PTPRD: variants seen among roughly 807,000 people sequenced by gnomAD.
PTPRD encodes the protein receptor-type tyrosine-protein phosphatase delta.
PTPRD carries 34 observed loss-of-function variants against 214.5 expected under a neutral mutation model. That is an observed-to-expected ratio of 0.16 (90% CI 0.12 to 0.21). The LOEUF is 0.21. Among genes scored for constraint, PTPRD ranks in the 10% least tolerant of loss-of-function variants. The probability of loss-of-function intolerance (pLI) is 1.00; values close to 1 mark genes in which losing one functional copy is unlikely to be tolerated. For missense variants in PTPRD, 2,545 were observed against 2,398.7 expected, an observed-to-expected ratio of 1.06 and a Z score of -1.27; for synonymous variants, 1,128 against 845.7, an observed-to-expected ratio of 1.33 and a Z score of -5.79.
chr9:10,187,208 T>TA (rs2099338379), intron 3 of PTPRD, among the ~76,000 whole-genome samples: 1 of 152,128 alleles, frequency 6.6e-6, no homozygotes, highest in African/African-American at 2.4e-5. Context: ...TTCTGTCTCT[T>TA]ACAGCATGCA....
intron 3 of PTPRD, among the ~76,000 whole-genome samples, chr9:10,076,343 T>A (rs942747761): frequency 6.6e-6 from 1 of 152,108 alleles, no homozygotes; most frequent in Non-Finnish European, 1.5e-5. Context: ...GTGTAAACCT[T>A]ATCTCTGTGG....
intron 9 of PTPRD, among the ~76,000 whole-genome samples, chr9:9,302,543 A>C (rs2134886661): frequency 7.4e-6 from 1 of 135,108 alleles, no homozygotes; most frequent in East Asian, 2.2e-4. Flanking sequence ...CCACTCTCCC[A>C]CTTTTCATTT....
In PTPRD at chr9:8,733,772, T is replaced by G. The variant is rs761588001; in HGVS notation, c.64+8A>C. ...CACAGCCCCCTAGAGAAGGGGAGAA[T>G]GGCTTACTCTCAGCATCCGTGCGGA... On this transcript the variant is annotated splice_region_variant and intron_variant, in intron 12 of 45. Transcript: ENST00000381196. The G allele has an allele frequency of 2.1e-5, 33 of 1,551,980 alleles. No homozygotes were observed. The Admixed American group carries it at 6.5e-4, about 30-fold the overall frequency.
chr9:8,777,161 T>A (rs1388647172), intron 11 of PTPRD, among the ~76,000 whole-genome samples: 3 of 151,732 alleles, frequency 2.0e-5, no homozygotes, highest in African/African-American at 7.3e-5. Flanking sequence ...TGTTGTTTTT[T>A]AGAGATGGGG....
At position 10,039,199 on chromosome 9, in the gene PTPRD, C is replaced by A. The variant is rs74665178; in HGVS notation, c.-544-5409G>T. Among the ~76,000 whole-genome samples the A allele has an allele frequency of 6.0e-4, 92 of 152,076 alleles. 1 individual carries two copies. The East Asian group carries it at 0.016, about 26-fold the overall frequency. ...TTCCTGAAAAACTTGAAATCATCTA[C>A]AAAAATTATGAAATAAAAGTGATCA... is the stretch of plus-strand genomic sequence containing the variant. On this transcript the variant is annotated intron_variant, in intron 3 of 45. Transcript: ENST00000381196.
intron 7 of PTPRD, among the ~76,000 whole-genome samples, chr9:9,642,035 A>G (rs1043484491): frequency 6.8e-6 from 1 of 147,894 alleles, no homozygotes; most frequent in South Asian, 2.1e-4. Context: ...ACAATGATAG[A>G]CTGGATTAAG....
chr9:9,565,598 G>A (rs1308785801), intron 8 of PTPRD, among the ~76,000 whole-genome samples: 1 of 151,660 alleles, frequency 6.6e-6, no homozygotes, highest in Non-Finnish European at 1.5e-5. Context: ...TAACATATAA[G>A]AAATATAAAG....
intron 11 of PTPRD, among the ~76,000 whole-genome samples, chr9:8,939,085 C>T (rs1350040722): frequency 6.6e-6 from 1 of 152,062 alleles, no homozygotes. Context: ...TGTACATTAT[C>T]TGATTAAGGA....
At chr9:8,386,319 G>A (rs778199776) in intron 37 of PTPRD, among the ~76,000 whole-genome samples, 4 of 152,116 alleles carry the variant, frequency 2.6e-5, no homozygotes, top group Non-Finnish European at 4.4e-5. Context: ...GTAATATCAA[G>A]CTATCTTCTC....
chr9:8,325,055 C>A (rs1832275098), intron 44 of PTPRD, among the ~76,000 whole-genome samples: 1 of 150,440 alleles, frequency 6.6e-6, no homozygotes. Flanking sequence ...GTTGCCTGTT[C>A]ACTCTGATGG....
chr9:8,833,889 A>G (rs1236485151), intron 11 of PTPRD, among the ~76,000 whole-genome samples: 1 of 152,040 alleles, frequency 6.6e-6, no homozygotes, highest in Admixed American at 6.6e-5. Flanking sequence ...ACCATTTACA[A>G]AAATTAACCA....
At chr9:10,231,985 A>AGTGTGT (rs1424117716) in intron 3 of PTPRD, among the ~76,000 whole-genome samples, 1,168 of 95,902 alleles carry the variant, frequency 0.012, 8 homozygotes, top group Non-Finnish European at 0.016. Flanking sequence ...AGAGAGAGAG[A>AGTGTGT]GAGAGTGTGT....
intron 3 of PTPRD, among the ~76,000 whole-genome samples, chr9:10,182,464 TATG>T (rs1415171151): frequency 6.6e-6 from 1 of 151,834 alleles, no homozygotes; most frequent in African/African-American, 2.4e-5. Context: ...AATTGAAAAA[TATG>T]ATAAGTATAA....
intron 4 of PTPRD, among the ~76,000 whole-genome samples, chr9:9,998,262 G>A (rs1438213404): frequency 6.6e-6 from 1 of 151,140 alleles, no homozygotes; most frequent in Non-Finnish European, 1.5e-5. Flanking sequence ...GTCACTGGGT[G>A]GAGTCTCACA....
At chr9:10,275,920 G>A in intron 3 of PTPRD, among the ~76,000 whole-genome samples, 1 of 152,198 alleles carries the variant, frequency 6.6e-6, no homozygotes, top group Non-Finnish European at 1.5e-5. Flanking sequence ...GAGAGCCAGT[G>A]TAACTTGGGA....
intron 3 of PTPRD, among the ~76,000 whole-genome samples, chr9:10,231,290 T>C (rs552002402): frequency 6.7e-6 from 1 of 149,580 alleles, no homozygotes; most frequent in Admixed American, 6.7e-5. Flanking sequence ...TGATAGCACA[T>C]GGAATAGAGA....
At chr9:8,480,954 A>G (rs1317316708) in intron 30 of PTPRD, among the ~76,000 whole-genome samples, 4 of 151,836 alleles carry the variant, frequency 2.6e-5, no homozygotes, top group African/African-American at 7.3e-5. Flanking sequence ...CCTGGCTAAC[A>G]TGGTGAAATC....
rs143256359 is a variant in PTPRD at position 9,924,849 on chromosome 9, T to C, written c.-368+13658A>G. 9.1e-3 allele frequency among the ~76,000 whole-genome samples: 1,384 copies of C among 152,242 alleles called. 17 individuals are homozygous for C. The highest frequency in any genetic ancestry group is 0.032 in the African/African-American group (1,320 of 41,580). On this transcript the variant is annotated intron_variant, in intron 5 of 45. Transcript: ENST00000381196. ...ACATATCTCTACTTTTTATGAAATT[T>C]GTTGCTAGTAATGTTAGAATATGTT...
At chr9:8,648,037 G>C (rs375300296) in intron 12 of PTPRD, among the ~76,000 whole-genome samples, 1 of 152,172 alleles carries the variant, frequency 6.6e-6, no homozygotes. Flanking sequence ...AGAACAGCAT[G>C]CAATCCCAGC....
Sources: gnomAD v4.1 joint callset for allele counts (sites outside exome capture counted in the v4.1 genomes callset) on GRCh38, gnomAD v4.1.1 for gene constraint, MANE v1.5 for transcripts, NCBI Gene and HGNC (gene_info 2026-07-23, HGNC 2026-07-21) for gene names.